Variants in GFM1 observed in about 807,000 individuals in gnomAD.
GFM1 encodes elongation factor G, mitochondrial.
Under a neutral mutation model 96.2 loss-of-function variants are expected in GFM1, and 62 were observed. The observed-to-expected ratio is 0.64, with a 90% CI of 0.53 to 0.80. GFM1 has a LOEUF of 0.80. Among genes scored for constraint, GFM1 ranks in the 30% least tolerant of loss-of-function variants. The probability of loss-of-function intolerance (pLI) is 0.00; values close to 1 mark genes in which losing one functional copy is unlikely to be tolerated. For missense variants in GFM1, 852 were observed against 916.6 expected (o/e 0.93, Z 0.91); for synonymous variants, 282 against 312.9 (o/e 0.90, Z 1.04).
chr3:158,664,746 T>G (rs1329109703), intron 11 of GFM1, among the ~76,000 whole-genome samples: 1 of 152,190 alleles, frequency 6.6e-6, no homozygotes, highest in Non-Finnish European at 1.5e-5. Flanking sequence ...CCCTTTACTA[T>G]GTAAGGCAGC....
In GFM1 at chr3:158,693,961, G is replaced by A. The variant is rs1004927784; in HGVS notation, c.*2494G>A. The stretch of plus-strand genomic sequence containing the variant: ...TGAAAAATCTGTGAAATTCAGGAGT[G>A]TCATATTGTATTCTTTTGTGTGATA... On this transcript the variant is annotated 3_prime_UTR_variant, in exon 18 of 18. Coordinates refer to ENST00000486715, the MANE Select transcript of GFM1 (RefSeq NM_024996.7). 6.6e-6 allele frequency among the ~76,000 whole-genome samples: 1 copy of A among 151,848 alleles called. No individual in the cohort carries two copies. Among genetic ancestry groups the A allele is most frequent in the African/African-American group, 2.4e-5 (1 of 41,356 alleles).
At chr3:158,661,462 C>T (rs1723189068) in intron 10 of GFM1, among the ~76,000 whole-genome samples, 1 of 152,182 alleles carries the variant, frequency 6.6e-6, no homozygotes, top group Admixed American at 6.5e-5. Flanking sequence ...GATAACAGAA[C>T]ATAACCAGGC....
intron 5 of GFM1, chr3:158,650,599 C>T (rs1385334994): frequency 6.5e-6 from 1 of 153,288 alleles, no homozygotes; most frequent in African/African-American, 2.4e-5. Context: ...AAATTAAAAT[C>T]TGAAAGTTGT....
chr3:158,667,064 T>C (rs1723768625), intron 13 of GFM1: 1 of 1,587,686 alleles, frequency 6.3e-7, no homozygotes, highest in East Asian at 2.3e-5. Context: ...AATAAAGTCA[T>C]CATTTCTTTG....
rs187937663 is a variant in GFM1, at chr3:158,660,463, G to A, written c.1222-411G>A. ...GGGTTTCACCATGTTGGACAGGCTG[G>A]TCTTGAACTCCTGACCTCAGGTGAT... is the stretch of plus-strand genomic sequence containing the variant. On this transcript the variant is annotated intron_variant, in intron 9 of 17. Coordinates refer to ENST00000486715, the MANE Select transcript of GFM1 (RefSeq NM_024996.7). 170 of 211,566 alleles carry A rather than the reference G, an allele frequency of 8.0e-4. 1 individual carries two copies. The South Asian group carries it at 9.8e-3, about 12-fold the overall frequency. 13.1% of individuals were successfully genotyped at this position (211,566 alleles called of 1,614,324 possible).
chr3:158,667,004 T>C (rs1186958538), intron 13 of GFM1: 2 of 1,595,712 alleles, frequency 1.3e-6, no homozygotes, highest in Non-Finnish European at 1.7e-6. Context: ...AGGTAAATTA[T>C]ACTTTACCTG....
chr3:158,680,592 A>G (rs1349371787), intron 13 of GFM1, among the ~76,000 whole-genome samples: 1 of 152,192 alleles, frequency 6.6e-6, no homozygotes, highest in East Asian at 1.9e-4. Context: ...GCTTGGTTTT[A>G]GAGCAAATCC....
chr3:158,682,832 G>A (rs1725522305), intron 14 of GFM1, among the ~76,000 whole-genome samples: 1 of 152,044 alleles, frequency 6.6e-6, no homozygotes, highest in East Asian at 1.9e-4. Flanking sequence ...TGAGACCAGC[G>A]TGGGCAACAT....
chr3:158,648,735 C>G (rs980920709), intron 4 of GFM1, among the ~76,000 whole-genome samples: 1 of 149,970 alleles, frequency 6.7e-6, no homozygotes, highest in African/African-American at 2.4e-5. Flanking sequence ...ATTTAATTTC[C>G]TGGCTAGCCC....
intron 15 of GFM1, 130 bp from the exon 16 acceptor site, chr3:158,690,033 C>G (rs1005799415): frequency 2.6e-6 from 2 of 760,664 alleles, no homozygotes; most frequent in Non-Finnish European, 4.5e-6. Flanking sequence ...GAGTCTAGGT[C>G]GAATATTTTA....
chr3:158,666,270 T>A (rs754073537), intron 12 of GFM1, 34 bp from the exon 13 acceptor site: 3 of 1,508,484 alleles, frequency 2.0e-6, no homozygotes, highest in South Asian at 2.3e-5. Flanking sequence ...TTTATTTTTT[T>A]AAATTTAAAT....
chr3:158,653,376 A>G lies in GFM1; in HGVS notation c.907A>G (p.Asn303Asp). The G allele has an allele frequency of 6.2e-7, 1 of 1,613,406 alleles. No individual in the cohort carries two copies. The highest frequency in any genetic ancestry group is 1.1e-5 in the South Asian group (1 of 91,072). Residue 303 changes from asparagine to aspartate, a missense_variant, in exon 7 of 18, where the codon AAC becomes GAC. Transcript: ENST00000486715. ...TPVFLGSALK[N>D]KGVQPLLDAV... ...TGTATTTTTGGGAAGCGCCTTGAAGAACAAAGGAGTTCAGCCTCTTTTAGA... is the reference window on the plus strand; with the variant it reads ...TGTATTTTTGGGAAGCGCCTTGAAGGACAAAGGAGTTCAGCCTCTTTTAGA...
chr3:158,665,797 C>T (rs1034552080), intron 12 of GFM1, among the ~76,000 whole-genome samples: 3 of 152,136 alleles, frequency 2.0e-5, no homozygotes, highest in African/African-American at 4.8e-5. Context: ...AGACAACCTG[C>T]GGTTGTACCA....
At chr3:158,684,692 G>A (rs1725685009) in intron 15 of GFM1, 24 bp downstream of exon 15, 1 of 1,613,098 alleles carries the variant, frequency 6.2e-7, no homozygotes, top group African/African-American at 1.3e-5. Flanking sequence ...GGGCACCTTA[G>A]CCTGTCTGTT....
intron 1 of GFM1, 52 bp from the exon 2 acceptor site, chr3:158,645,574 CTGT>C (rs765834944): frequency 4.4e-5 from 61 of 1,398,046 alleles, no homozygotes; most frequent in Admixed American, 1.2e-4. Context: ...TTTTAATTGT[CTGT>C]TGTTCTCTCT....
At chr3:158,660,127 C>T (rs1343365955) in intron 9 of GFM1, 1 of 152,084 alleles carries the variant, frequency 6.6e-6, no homozygotes, top group Non-Finnish European at 1.5e-5. Context: ...CTCCATTCTC[C>T]TACCTTTGTT....
At chr3:158,680,228 G>A (rs187928273) in intron 13 of GFM1, among the ~76,000 whole-genome samples, 5 of 152,192 alleles carry the variant, frequency 3.3e-5, no homozygotes, top group Admixed American at 3.3e-4. Flanking sequence ...GGTGAAGTCT[G>A]GGCTTTTAGT....
At chr3:158,658,803 TA>T in intron 8 of GFM1, 118 bp from the exon 9 acceptor site, 1 of 1,035,368 alleles carries the variant, frequency 9.7e-7, no homozygotes, top group Non-Finnish European at 1.5e-6. Context: ...CTGAAATATG[TA>T]AGATAGATTA....
At chr3:158,674,578 A>C (rs1724707104) in intron 13 of GFM1, among the ~76,000 whole-genome samples, 1 of 152,210 alleles carries the variant, frequency 6.6e-6, no homozygotes, top group Admixed American at 6.5e-5. Context: ...CAGAAATAAA[A>C]AAATAAGACT....
Sources: gnomAD v4.1 joint callset for allele counts (sites outside exome capture counted in the v4.1 genomes callset) on GRCh38, gnomAD v4.1.1 for gene constraint, MANE v1.5 for transcripts, NCBI Gene and HGNC (gene_info 2026-07-23, HGNC 2026-07-21) for gene names.